Variants in FGF14 observed in about 807,000 individuals in gnomAD.
FGF14 encodes fibroblast growth factor homologous factor 4.
FGF14 carries 5 observed loss-of-function variants against 25.5 expected under a neutral mutation model. That is an observed-to-expected ratio of 0.20 (90% CI 0.10 to 0.41). FGF14 has a LOEUF of 0.41. Ranked by LOEUF, FGF14 falls within the 10% of genes least tolerant of loss-of-function variation. The pLI, the probability that FGF14 is intolerant of heterozygous loss-of-function variation, is 1.00. For synonymous variants in FGF14, 138 were observed against 118.3 expected (o/e 1.17, Z -1.08); for missense variants, 222 against 320.1 (o/e 0.69, Z 2.34).
At chr13:101,906,591 C>T (rs1362379288) in intron 1 of FGF14, among the ~76,000 whole-genome samples, 1 of 152,026 alleles carries the variant, frequency 6.6e-6, no homozygotes, top group Non-Finnish European at 1.5e-5. Flanking sequence ...GAAGAGTTTC[C>T]TGAGAAAAGA....
At chr13:101,800,489 G>C (rs920340618) in intron 3 of FGF14, among the ~76,000 whole-genome samples, 5 of 152,142 alleles carry the variant, frequency 3.3e-5, no homozygotes, top group African/African-American at 1.2e-4. Flanking sequence ...TCCATTTGCT[G>C]TTTGCACGAA....
chr13:102,047,348 G>T lies in FGF14; in HGVS notation c.209-172052C>A, dbSNP rs574171706. ...TAAGAATAATAATGCAAACCTAAAA[G>T]ATTCTAATTGTAATCATTTCTGCTC... On this transcript the variant is annotated intron_variant, in intron 1 of 4. Coordinates refer to the FGF14 transcript ENST00000376131. Among the ~76,000 whole-genome samples the T allele has an allele frequency of 2.2e-4, 34 of 152,134 alleles. 1 individual carries two copies. In the East Asian group the frequency reaches 6.4e-3, roughly 28 times the overall value.
At chr13:102,232,769 C>A (rs3916918) in intron 1 of FGF14, among the ~76,000 whole-genome samples, 1 of 152,046 alleles carries the variant, frequency 6.6e-6, no homozygotes, top group East Asian at 1.9e-4. Context: ...AAGTTAAACA[C>A]CCTGTAACAC....
intron 1 of FGF14, among the ~76,000 whole-genome samples, chr13:102,355,413 A>G (rs967342064): frequency 1.8e-4 from 27 of 152,060 alleles, no homozygotes; most frequent in Admixed American, 3.3e-4. Context: ...TCAGTGAGAT[A>G]TGTCCAGACT....
chr13:102,124,057 A>T, intron 1 of FGF14, among the ~76,000 whole-genome samples: 1 of 116,262 alleles, frequency 8.6e-6, no homozygotes, highest in East Asian at 2.6e-4. Context: ...AATGAGAAAG[A>T]GAAAGTGACA....
At chr13:102,218,661 C>T (rs2050480128) in intron 1 of FGF14, among the ~76,000 whole-genome samples, 1 of 151,804 alleles carries the variant, frequency 6.6e-6, no homozygotes, top group Non-Finnish European at 1.5e-5. Flanking sequence ...ATAACTCTCA[C>T]CCTTTTTAAT....
chr13:101,905,642 G>A (rs2032149254), intron 1 of FGF14, among the ~76,000 whole-genome samples: 2 of 151,994 alleles, frequency 1.3e-5, no homozygotes, highest in South Asian at 2.1e-4. Flanking sequence ...CATGGCACAT[G>A]TATACCTATG....
At chr13:102,399,652 G>A (rs2058656815) in intron 1 of FGF14, among the ~76,000 whole-genome samples, 1 of 152,172 alleles carries the variant, frequency 6.6e-6, no homozygotes, top group South Asian at 2.1e-4. Flanking sequence ...TTAGACATGC[G>A]GGTGGAAAGG....
intron 3 of FGF14, among the ~76,000 whole-genome samples, chr13:101,867,251 C>CA (rs1386430459): frequency 2.6e-5 from 4 of 152,060 alleles, no homozygotes; most frequent in African/African-American, 9.7e-5. Flanking sequence ...TAGGCTAAGA[C>CA]ACATACTCAA....
intron 1 of FGF14, among the ~76,000 whole-genome samples, chr13:101,923,891 T>C (rs2034181213): frequency 6.6e-6 from 1 of 152,096 alleles, no homozygotes; most frequent in South Asian, 2.1e-4. Flanking sequence ...TACTAGCAGA[T>C]GGTTTAGCTT....
At chr13:102,392,192 A>C (rs2058448372) in intron 1 of FGF14, among the ~76,000 whole-genome samples, 1 of 152,240 alleles carries the variant, frequency 6.6e-6, no homozygotes, top group African/African-American at 2.4e-5. Context: ...TTTTAACTAC[A>C]TTCATTCCTA....
At chr13:102,195,971 T>C (rs2049333396) in intron 1 of FGF14, among the ~76,000 whole-genome samples, 1 of 152,162 alleles carries the variant, frequency 6.6e-6, no homozygotes, top group Admixed American at 6.5e-5. Flanking sequence ...AGATCAGTAT[T>C]GAGATTACAA....
intron 1 of FGF14, among the ~76,000 whole-genome samples, chr13:102,100,322 G>A (rs1029261780): frequency 3.3e-5 from 5 of 152,086 alleles, no homozygotes; most frequent in African/African-American, 7.2e-5. Flanking sequence ...CTCCCTACAA[G>A]AGCATACCAC....
At chr13:101,820,910 A>T (rs2042106963) in intron 3 of FGF14, among the ~76,000 whole-genome samples, 1 of 150,544 alleles carries the variant, frequency 6.6e-6, no homozygotes, top group African/African-American at 2.4e-5. Context: ...CTCCCCCGAG[A>T]GGTAACTACT....
intron 1 of FGF14, among the ~76,000 whole-genome samples, chr13:101,945,260 G>T (rs910987849): frequency 6.6e-6 from 1 of 152,208 alleles, no homozygotes. Flanking sequence ...GGAGGTTGCA[G>T]TGAGCCAAGA....
chr13:101,756,721 A>G (rs550359018), intron 3 of FGF14, among the ~76,000 whole-genome samples: 177 of 152,320 alleles, frequency 1.2e-3, no homozygotes, highest in African/African-American at 4.1e-3. Flanking sequence ...TGACAGAGCA[A>G]GACTCCTTCC....
At chr13:102,365,675 C>T (rs376616781) in intron 1 of FGF14, among the ~76,000 whole-genome samples, 1 of 152,126 alleles carries the variant, frequency 6.6e-6, no homozygotes, top group African/African-American at 2.4e-5. Context: ...CTAAGGTCCT[C>T]ATGTCTGAAT....
At position 101,752,842 on chromosome 13, in the gene FGF14, A is replaced by C. The variant is rs890482998; in HGVS notation, c.409-26032T>G. 3.5e-4 allele frequency among the ~76,000 whole-genome samples: 53 copies of C among 152,200 alleles called. 1 individual carries two copies. Among genetic ancestry groups the C allele is most frequent in the Non-Finnish European group, 7.1e-4 (48 of 68,044 alleles). ...AGGCTAGAAGAGGGCAGGGCCAAAA[A>C]ATGGCTATCTTTTTGGAAAAAGAAA... is the stretch of plus-strand genomic sequence containing the variant. On this transcript the variant is annotated intron_variant, in intron 3 of 4. Coordinates refer to ENST00000376143, the MANE Select transcript of FGF14 (RefSeq NM_004115.4).
intron 1 of FGF14, among the ~76,000 whole-genome samples, chr13:101,887,673 C>T (rs138623406): frequency 6.6e-6 from 1 of 152,180 alleles, no homozygotes; most frequent in Non-Finnish European, 1.5e-5. Flanking sequence ...TTTGATAGCA[C>T]ATTAGGGTGA....
Sources: gnomAD v4.1 joint callset for allele counts (sites outside exome capture counted in the v4.1 genomes callset) on GRCh38, gnomAD v4.1.1 for gene constraint, MANE v1.5 for transcripts, NCBI Gene and HGNC (gene_info 2026-07-23, HGNC 2026-07-21) for gene names.